PIEZO2: variants seen among roughly 807,000 people sequenced by gnomAD.
PIEZO2 encodes piezo-type mechanosensitive ion channel component 2.
In PIEZO2, 172 loss-of-function variants were observed where a neutral mutation model predicts 337.3. That is an observed-to-expected ratio of 0.51 (90% confidence interval 0.45 to 0.58). The LOEUF (loss-of-function observed/expected upper bound fraction) is 0.58. PIEZO2 is among the 20% of genes least tolerant of loss of function. PIEZO2 has a pLI of 0.00. For missense variants in PIEZO2, 3,028 were observed against 3,391.3 expected (o/e 0.89, Z 2.66); for synonymous variants, 1,251 against 1,228.5 (o/e 1.02, Z -0.38).
Position 10,837,678 on chromosome 18 carries a change from G to T in PIEZO2, c.917+17675C>A, listed in dbSNP as rs1006789906. 1.3e-5 allele frequency among the ~76,000 whole-genome samples: 2 copies of T among 152,122 alleles called. No individual in the cohort carries two copies. Among genetic ancestry groups the T allele is most frequent in the East Asian group, 3.9e-4 (2 of 5,194 alleles). ...GAAAACAAAGACATACCATCAAAAA[G>T]GCATGGGTAGTCAGATATCCTCACA... On this transcript the variant is annotated intron_variant, in intron 7 of 55. Coordinates refer to ENST00000674853, the MANE Select transcript of PIEZO2 (RefSeq NM_001378183.1). The surrounding 1 kb of genome is among the most constrained non-coding windows in gnomAD (Gnocchi z 4.4).
Position 10,682,893 on chromosome 18 carries a change from CTACAGGAGCCTGTGCACCAG to C in PIEZO2, c.7498-621_7498-602del, listed in dbSNP as rs1414971910. Among the ~76,000 whole-genome samples, 1 of 152,174 alleles carries C rather than the reference CTACAGGAGCCTGTGCACCAG, an allele frequency of 6.6e-6. No individual in the cohort carries two copies. Among genetic ancestry groups the C allele is most frequent in the Admixed American group, 6.5e-5 (1 of 15,274 alleles). On this transcript the variant is annotated intron_variant, in intron 49 of 55. Transcript: ENST00000674853. This position sits in a 1 kb window ranked among gnomAD's most constrained non-coding sequence, Gnocchi z 5.6. ...GTGCGTGTTGCAGGGGCTCACTCTC[CTACAGGAGCCTGTGCACCAG>C]TAAGGCTGGGAGCACTTCTGTTTGC...
Position 10,952,952 on chromosome 18 carries a change from G to A in PIEZO2, c.286+26583C>T, listed in dbSNP as rs575986461. The stretch of plus-strand genomic sequence containing the variant: ...TTTTTTTCATTCTAAGAAGTATATA[G>A]TAGTCATCTCCGGTTTTTAACTTGC... On this transcript the variant is annotated intron_variant, in intron 3 of 55. Coordinates refer to ENST00000674853, the MANE Select transcript of PIEZO2 (RefSeq NM_001378183.1). The surrounding 1 kb of genome is among the most constrained non-coding windows in gnomAD (Gnocchi z 4.1). Among the ~76,000 whole-genome samples the A allele has an allele frequency of 7.7e-5, 11 of 143,158 alleles. No individual in the cohort carries two copies. The South Asian group carries it at 9.2e-4, about 12-fold the overall frequency. 93.9% of individuals were successfully genotyped at this position (143,158 alleles called of 152,430 possible). A position where few individuals can be genotyped will look rare whatever the true frequency, so the allele number is the denominator to read the frequency against.
intron 2 of PIEZO2, among the ~76,000 whole-genome samples, chr18:11,045,160 G>T (rs2037257053): frequency 6.6e-6 from 1 of 151,732 alleles, no homozygotes; most frequent in African/African-American, 2.4e-5. Flanking sequence ...AGCCGGGCAT[G>T]GTGGCAGGCG....
At chr18:10,879,999 A>G (rs1413517538) in intron 4 of PIEZO2, among the ~76,000 whole-genome samples, 1 of 152,176 alleles carries the variant, frequency 6.6e-6, no homozygotes, top group Admixed American at 6.5e-5. Flanking sequence ...AAAATGACAA[A>G]CACCTATTTC....
In PIEZO2 at chr18:11,086,915, G is replaced by A. The variant is rs541628084; in HGVS notation, c.65-20693C>T. On this transcript the variant is annotated intron_variant, in intron 1 of 55. Transcript: ENST00000674853. ...GATTAAAATGAGTGGCCAATCCCAT[G>A]TGTAGCATGGCAAGAAATTGGCCAA... 7.2e-5 allele frequency among the ~76,000 whole-genome samples: 11 copies of A among 152,302 alleles called. No homozygotes were observed. In the South Asian group the frequency reaches 2.3e-3, roughly 32 times the overall value.
chr18:11,106,916 T>C (rs1274083054), intron 1 of PIEZO2, among the ~76,000 whole-genome samples: 4 of 152,168 alleles, frequency 2.6e-5, no homozygotes, highest in African/African-American at 9.7e-5. Flanking sequence ...TTGAGGCAGT[T>C]CGGCTGAGAA....
chr18:10,748,524 A>G lies in PIEZO2; in HGVS notation c.4371T>C (p.Tyr1457=), dbSNP rs375674142. Residue 1457 remains tyrosine (Y), a synonymous_variant, in exon 30 of 56, where the codon TAT becomes TAC. Transcript: ENST00000674853. This position sits in a 1 kb window ranked among gnomAD's most constrained non-coding sequence, Gnocchi z 5.1. ...TATCAGCCACAACATGTAGAAAATA[A>G]TAACTCATGAAAACTCTTCTTTGCA... is the stretch of plus-strand genomic sequence containing the variant. ...LLLQRRVFMS[Y]YFLHVVADIK... is the part of the protein sequence containing the mutation. 3.3e-6 allele frequency: 5 copies of G among 1,536,962 alleles called. No homozygotes were observed. Among genetic ancestry groups the G allele is most frequent in the Non-Finnish European group, 4.4e-6 (5 of 1,146,844 alleles).
At chr18:10,869,923 TGG>T (rs1190884418) in intron 5 of PIEZO2, among the ~76,000 whole-genome samples, 31 of 152,326 alleles carry the variant, frequency 2.0e-4, no homozygotes, top group African/African-American at 7.2e-4. Flanking sequence ...TCACCCAGAC[TGG>T]AGGGCAGTGG....
In PIEZO2 at chr18:10,933,117, G is replaced by A. The variant is rs546608810; in HGVS notation, c.287-21889C>T. ...TAAGAACTCCTTGGAAGAAAGGGAAGAATGGCCAAAAAACTGTAACCAGGG... is the reference window on the plus strand; with the variant it reads ...TAAGAACTCCTTGGAAGAAAGGGAAAAATGGCCAAAAAACTGTAACCAGGG... On this transcript the variant is annotated intron_variant, in intron 3 of 55. Transcript: ENST00000674853. Among the ~76,000 whole-genome samples the A allele has an allele frequency of 5.3e-5, 8 of 152,006 alleles. No homozygotes were observed. The South Asian group carries it at 1.7e-3, about 32-fold the overall frequency.
intron 41 of PIEZO2, 22 bp from the exon 42 acceptor site, chr18:10,704,674 T>A (rs770149017): frequency 2.0e-6 from 3 of 1,527,036 alleles, no homozygotes; most frequent in South Asian, 2.4e-5. Context: ...AACCACATGA[T>A]AATATGTCTA....
rs59286111 is a variant in PIEZO2 at position 11,069,249 on chromosome 18, C to T, written c.65-3027G>A. ...AGGAAAGAAAATTACAGGCCAGTGT[C>T]CTTGATGAACACAGATGCACAAGTA... On this transcript the variant is annotated intron_variant, in intron 1 of 55. Transcript: ENST00000674853. This position sits in a 1 kb window ranked among gnomAD's most constrained non-coding sequence, Gnocchi z 4.9. Among the ~76,000 whole-genome samples, 1,142 of 152,236 alleles carry T rather than the reference C, an allele frequency of 7.5e-3. 9 individuals are homozygous for T. Among genetic ancestry groups the T allele is most frequent in the African/African-American group, 0.026 (1,084 of 41,548 alleles).
At chr18:11,042,550 G>T (rs1332930400) in intron 2 of PIEZO2, among the ~76,000 whole-genome samples, 2 of 152,238 alleles carry the variant, frequency 1.3e-5, no homozygotes, top group African/African-American at 4.8e-5. Flanking sequence ...AATGCTGTCT[G>T]AGCTAGACTC....
chr18:10,983,229 A>C (rs2034736716), intron 2 of PIEZO2, among the ~76,000 whole-genome samples: 1 of 152,196 alleles, frequency 6.6e-6, no homozygotes. Flanking sequence ...TCATTTCCAC[A>C]GAAACACCAA....
chr18:10,968,030 A>G (rs759309496), intron 3 of PIEZO2, among the ~76,000 whole-genome samples: 1 of 152,176 alleles, frequency 6.6e-6, no homozygotes, highest in Admixed American at 6.5e-5. Flanking sequence ...GTCTTTGCCA[A>G]TGGCTAGAAG....
Position 10,791,192 on chromosome 18 carries a change from CTAA to C in PIEZO2, c.1882+6_1882+8del. ...CAAACTCTCCAGCCACACATATACACTAATTTACCTTTTTCTTCATTTTCCTGA... is the reference window on the plus strand; with the variant it reads ...CAAACTCTCCAGCCACACATATACACTTTACCTTTTTCTTCATTTTCCTGA... On this transcript the variant is annotated splice_donor_region_variant and intron_variant, in intron 14 of 55. Coordinates refer to ENST00000674853, the MANE Select transcript of PIEZO2 (RefSeq NM_001378183.1). 1.3e-6 allele frequency: 2 copies of C among 1,532,740 alleles called. No homozygotes were observed. The highest frequency in any genetic ancestry group is 2.4e-5 in the South Asian group (2 of 83,342). 94.9% of individuals were successfully genotyped at this position (1,532,740 alleles called of 1,614,324 possible). A position where few individuals can be genotyped will look rare whatever the true frequency, so the allele number is the denominator to read the frequency against.
At chr18:10,994,813 A>G (rs2145574503) in intron 2 of PIEZO2, among the ~76,000 whole-genome samples, 1 of 151,594 alleles carries the variant, frequency 6.6e-6, no homozygotes, top group Admixed American at 6.6e-5. Context: ...CAGGCACAGT[A>G]GCTCACGCCT....
At chr18:10,818,033 T>C (rs1231426283) in intron 7 of PIEZO2, among the ~76,000 whole-genome samples, 1 of 152,106 alleles carries the variant, frequency 6.6e-6, no homozygotes, top group Non-Finnish European at 1.5e-5. Context: ...AAATAAAGTA[T>C]ATACTTTTTT....
rs1006470188 is a variant in PIEZO2 at position 11,031,837 on chromosome 18, T to C, written c.160+34290A>G. On this transcript the variant is annotated intron_variant, in intron 2 of 55. Transcript: ENST00000674853. This position sits in a 1 kb window ranked among gnomAD's most constrained non-coding sequence, Gnocchi z 4.7. ...GCAAGCTCAGGGCAATGGCTATTTA[T>C]TAATCTATTGGGTGTATTTTAATAT... 6.6e-6 allele frequency among the ~76,000 whole-genome samples: 1 copy of C among 152,224 alleles called. No individual in the cohort carries two copies. The highest frequency in any genetic ancestry group is 1.5e-5 in the Non-Finnish European group (1 of 68,038).
chr18:11,059,332 A>G (rs1231457885), intron 2 of PIEZO2, among the ~76,000 whole-genome samples: 1 of 152,210 alleles, frequency 6.6e-6, no homozygotes. Context: ...TCGATGCTAG[A>G]AAGAAACTGC....
Sources: gnomAD v4.1 joint callset for allele counts (sites outside exome capture counted in the v4.1 genomes callset) on GRCh38, gnomAD v4.1.1 for gene constraint, Gnocchi (gnomAD v3.1) non-coding constraint, MANE v1.5 for transcripts, NCBI Gene and HGNC (gene_info 2026-07-23, HGNC 2026-07-21) for gene names.